The following COL5A1 variants were observed in gnomAD, a reference collection of about 807,000 sequenced individuals.
The protein encoded by COL5A1 is collagen type V alpha 1 chain, also known as collagen alpha-1(V) chain.
A neutral mutation model predicts 263.7 loss-of-function variants in COL5A1; 16 were observed. The ratio of observed to expected loss-of-function variants is 0.06; its 90% CI spans 0.04 to 0.09. The LOEUF is 0.09. Ranked by LOEUF, COL5A1 falls within the 10% of genes least tolerant of loss-of-function variation. The pLI is 1.00. For synonymous variants in COL5A1, 1,012 were observed against 1,004.5 expected, an observed-to-expected ratio of 1.01 and a Z score of -0.14; for missense variants, 2,036 against 2,540.5, an observed-to-expected ratio of 0.80 and a Z score of 4.27.
intron 26 of COL5A1, among the ~76,000 whole-genome samples, chr9:134,773,893 C>T (rs1236402283): frequency 1.3e-5 from 2 of 152,218 alleles, no homozygotes; most frequent in Admixed American, 6.5e-5. Context: ...ACCCTCCCCT[C>T]GGCCCTTGGC....
At chr9:134,723,635 G>A (rs1474035994) in intron 4 of COL5A1, among the ~76,000 whole-genome samples, 5 of 152,194 alleles carry the variant, frequency 3.3e-5, no homozygotes, top group East Asian at 3.9e-4. Flanking sequence ...GCAAGGGAAC[G>A]GGTGCTGGCG....
intron 11 of COL5A1, among the ~76,000 whole-genome samples, chr9:134,748,334 T>C (rs1835647035): frequency 6.6e-6 from 1 of 151,774 alleles, no homozygotes; most frequent in African/African-American, 2.4e-5. Context: ...TGCACACACA[T>C]GCATTCACAC....
At chr9:134,666,536 C>T (rs1362869114) in intron 1 of COL5A1, among the ~76,000 whole-genome samples, 4 of 152,228 alleles carry the variant, frequency 2.6e-5, no homozygotes, top group Non-Finnish European at 5.9e-5. Flanking sequence ...TTGGGCTGGC[C>T]AGGGACAGTC....
At chr9:134,760,971 T>C (rs1264304909) in intron 18 of COL5A1, among the ~76,000 whole-genome samples, 1 of 136,312 alleles carries the variant, frequency 7.3e-6, no homozygotes, top group African/African-American at 3.0e-5. Context: ...CATACACACA[T>C]GTATACCACC....
rs112691690 is a variant in COL5A1 at position 134,725,516 on chromosome 9, G to A, written c.655-1750G>A. 9.6e-4 allele frequency among the ~76,000 whole-genome samples: 146 copies of A among 152,296 alleles called. 1 individual carries two copies. Among genetic ancestry groups the A allele is most frequent in the Non-Finnish European group, 1.6e-3 (112 of 68,022 alleles). ...GGGTGCTGCCAGGGTGACTCCTAGC[G>A]TGCCTGTCATCTTCATCTCTGCAGA... On this transcript the variant is annotated intron_variant, in intron 4 of 65. Coordinates refer to ENST00000371817, the MANE Select transcript of COL5A1 (RefSeq NM_000093.5).
intron 63 of COL5A1, 109 bp from the exon 64 acceptor site, chr9:134,829,867 A>G (rs1839525302): frequency 2.5e-6 from 3 of 1,223,704 alleles, no homozygotes; most frequent in Non-Finnish European, 3.5e-6. Context: ...CCCCGGCGTG[A>G]GGATGCAGGC....
chr9:134,826,709 G>GGGTGTGTGCGTGTAT (rs1839284037), intron 63 of COL5A1, among the ~76,000 whole-genome samples: 1 of 71,876 alleles, frequency 1.4e-5, no homozygotes, highest in African/African-American at 5.6e-5. Context: ...TGGTATGTGG[G>GGGTGTGTGCGTGTAT]GGTGTGTGGG....
rs2132683265 is a variant in COL5A1 at position 134,750,848 on chromosome 9, A to G, written c.1628A>G (p.Glu543Gly). Residue 543 changes from glutamate (E) to glycine (G), a missense_variant, in exon 13 of 66, where the codon GAG becomes GGG. Coordinates refer to ENST00000371817, the MANE Select transcript of COL5A1 (RefSeq NM_000093.5). ...GSKGPMVSAQ[E>G]SQAQAILQQA... ...AAAGGCCCCATGGTCTCAGCCCAGG[A>G]GTCCCAGGCGCAAGCCATTCTCCAG... The G allele has an allele frequency of 6.2e-7, 1 of 1,613,052 alleles. No homozygotes were observed.
At position 134,652,503 on chromosome 9, in the gene COL5A1, G is replaced by A. The variant is rs1231380503; in HGVS notation, c.109+10207G>A. On this transcript the variant is annotated intron_variant, in intron 1 of 65. Coordinates refer to ENST00000371817, the MANE Select transcript of COL5A1 (RefSeq NM_000093.5). This position sits in a 1 kb window ranked among gnomAD's most constrained non-coding sequence, Gnocchi z 4.4. Reference sequence around the variant, plus strand: ...TGGCTTCTCAGCCCAGGCCATTTGGGGACATGTGGCAATGTCTGGAGATGT... The same window carrying A: ...TGGCTTCTCAGCCCAGGCCATTTGGAGACATGTGGCAATGTCTGGAGATGT... Among the ~76,000 whole-genome samples the A allele has an allele frequency of 6.6e-6, 1 of 152,156 alleles. No homozygotes were observed. The highest frequency in any genetic ancestry group is 1.5e-5 in the Non-Finnish European group (1 of 68,032).
rs988440483 is a variant in COL5A1 at position 134,690,819 on chromosome 9, G to A, written c.110-93G>A. 3.4e-6 allele frequency: 5 copies of A among 1,450,824 alleles called. No homozygotes were observed. In the African/African-American group the frequency reaches 5.6e-5, roughly 16 times the overall value. The allele number at this position is 1,450,824 out of a possible 1,614,324, so 89.9% of individuals were successfully genotyped here. On this transcript the variant is annotated intron_variant, in intron 1 of 65. Transcript: ENST00000371817. ...AGTGCCCAGGATTCACAGTGGTGGG[G>A]GTGGGGGTGCTTCCTGTCATCCCAG... is the stretch of plus-strand genomic sequence containing the variant.
rs1831729786 is a variant in COL5A1, at chr9:134,652,561, G to C, written c.109+10265G>C. 1 of 351,556 alleles carries C rather than the reference G, an allele frequency of 2.8e-6. No homozygotes were observed. Among genetic ancestry groups the C allele is most frequent in the Admixed American group, 3.4e-5 (1 of 29,266 alleles). 21.8% of individuals were successfully genotyped at this position (351,556 alleles called of 1,614,324 possible). A position where few individuals can be genotyped will look rare whatever the true frequency, so the allele number is the denominator to read the frequency against. On this transcript the variant is annotated intron_variant, in intron 1 of 65. Transcript: ENST00000371817. This position sits in a 1 kb window ranked among gnomAD's most constrained non-coding sequence, Gnocchi z 4.4. ...TTGTCGCACCTGGGGTGGGGGCAGG[G>C]CTATCGGCCTGTAGTTGGGGGAGTC... is the stretch of plus-strand genomic sequence containing the variant.
In COL5A1 at chr9:134,806,374, C is replaced by G. The variant is rs568940177; in HGVS notation, c.3366+78C>G. ...TTCCGTGTCTGGCCTTGTCCCTCCC[C>G]CTGTGATGTCCCCAGGGGTATTTCC... On this transcript the variant is annotated intron_variant, in intron 42 of 65. Coordinates refer to ENST00000371817, the MANE Select transcript of COL5A1 (RefSeq NM_000093.5). 559 of 999,692 alleles carry G rather than the reference C, an allele frequency of 5.6e-4. 4 individuals are homozygous for G. In the South Asian group the frequency reaches 8.0e-3, roughly 14 times the overall value. The allele number at this position is 999,692 out of a possible 1,614,324, so 61.9% of individuals were successfully genotyped here.
chr9:134,682,623 G>A lies in COL5A1; in HGVS notation c.110-8289G>A, dbSNP rs932392141. On this transcript the variant is annotated intron_variant, in intron 1 of 65. Transcript: ENST00000371817. This position sits in a 1 kb window ranked among gnomAD's most constrained non-coding sequence, Gnocchi z 5.1. The stretch of plus-strand genomic sequence containing the variant: ...GGAGGTCAGGCAGGTGGGCGAGTCA[G>A]AACTGAGGGGCACTCCTTGACTGGA... 6.6e-6 allele frequency among the ~76,000 whole-genome samples: 1 copy of A among 152,236 alleles called. No homozygotes were observed. Among genetic ancestry groups the A allele is most frequent in the African/African-American group, 2.4e-5 (1 of 41,474 alleles).
intron 4 of COL5A1, among the ~76,000 whole-genome samples, chr9:134,723,001 T>TG (rs376274801): frequency 6.6e-6 from 1 of 152,174 alleles, no homozygotes; most frequent in African/African-American, 2.4e-5. Context: ...TTTACTGTGA[T>TG]GGGGTCTCAG....
chr9:134,782,041 C>A (rs541748526), intron 28 of COL5A1, among the ~76,000 whole-genome samples: 2 of 152,240 alleles, frequency 1.3e-5, no homozygotes, highest in African/African-American at 4.8e-5. Context: ...TTTTGCCCTG[C>A]GGTTTCCGGG....
chr9:134,773,226 C>T (rs1836927260), intron 26 of COL5A1, among the ~76,000 whole-genome samples: 3 of 152,352 alleles, frequency 2.0e-5, no homozygotes, highest in South Asian at 4.1e-4. Context: ...CCAGGTCACG[C>T]CGGTGCCAGG....
intron 18 of COL5A1, among the ~76,000 whole-genome samples, chr9:134,759,060 A>AT (rs1225754522): frequency 2.0e-5 from 3 of 152,048 alleles, no homozygotes; most frequent in Non-Finnish European, 4.4e-5. Context: ...TTCTCAGCCC[A>AT]TTTGGGGGCC....
At chr9:134,689,416 C>T (rs1833194191) in intron 1 of COL5A1, among the ~76,000 whole-genome samples, 3 of 152,214 alleles carry the variant, frequency 2.0e-5, no homozygotes, top group Admixed American at 2.0e-4. Context: ...GAGATGGGCA[C>T]TGTTTAGTAG....
chr9:134,824,579 T>G, intron 61 of COL5A1, 21 bp from the exon 62 acceptor site: 1 of 1,613,574 alleles, frequency 6.2e-7, no homozygotes, highest in Non-Finnish European at 8.5e-7. Flanking sequence ...CACCCACCGC[T>G]GCTCCTGTTC....
Sources: allele counts gnomAD v4.1 joint callset (sites outside exome capture counted in the v4.1 genomes callset), GRCh38; gene constraint gnomAD v4.1.1; non-coding constraint Gnocchi (gnomAD v3.1); transcripts MANE v1.5; gene names NCBI Gene and HGNC (gene_info 2026-07-23, HGNC 2026-07-21).